The following FBP1 variants were observed in gnomAD, a reference collection of about 807,000 sequenced individuals.
FBP1 encodes fructose-bisphosphatase 1, also known as fructose-1,6-bisphosphatase 1.
In FBP1, 22 loss-of-function variants were observed where a neutral mutation model predicts 29.9. That is an observed-to-expected ratio of 0.74 (90% CI 0.53 to 1.05). FBP1 has a LOEUF of 1.05. Ranked by LOEUF, FBP1 falls within the 50% of genes least tolerant of loss-of-function variation. The pLI, the probability that FBP1 is intolerant of heterozygous loss-of-function variation, is 0.00. For missense variants in FBP1, 345 were observed against 448.2 expected, an observed-to-expected ratio of 0.77 and a Z score of 2.08; for synonymous variants, 175 against 178.6, an observed-to-expected ratio of 0.98 and a Z score of 0.16.
chr9:94,604,266 T>C (rs1389676045), intron 6 of FBP1, among the ~76,000 whole-genome samples: 1 of 152,084 alleles, frequency 6.6e-6, no homozygotes, highest in African/African-American at 2.4e-5. Flanking sequence ...AGCCTCAATA[T>C]TTGTGTTCAG....
intron 3 of FBP1, among the ~76,000 whole-genome samples, chr9:94,617,120 C>T (rs922488034): frequency 2.0e-5 from 3 of 152,138 alleles, no homozygotes; most frequent in African/African-American, 7.2e-5. Context: ...TTTTATGGGC[C>T]ATACAGTCTC....
At chr9:94,637,306 G>A (rs1168150446) in intron 1 of FBP1, among the ~76,000 whole-genome samples, 1 of 152,108 alleles carries the variant, frequency 6.6e-6, no homozygotes, top group African/African-American at 2.4e-5. Context: ...TGCAGGATGC[G>A]GGGCGGAGAA....
intron 1 of FBP1, among the ~76,000 whole-genome samples, chr9:94,625,808 C>T (rs936943409): frequency 1.3e-5 from 2 of 151,720 alleles, no homozygotes; most frequent in Admixed American, 6.6e-5. Flanking sequence ...GAAAGAATGA[C>T]GGAGCTGCCC....
chr9:94,610,840 G>A (rs1827772758), intron 3 of FBP1, among the ~76,000 whole-genome samples: 2 of 151,208 alleles, frequency 1.3e-5, no homozygotes, highest in African/African-American at 4.9e-5. Flanking sequence ...CCTAACCACT[G>A]ATTTCTTACT....
Position 94,603,240 on chromosome 9 carries a change from T to A in FBP1, c.*141A>T. 1.3e-6 allele frequency: 1 copy of A among 756,646 alleles called. No individual in the cohort carries two copies. The highest frequency in any genetic ancestry group is 2.3e-6 in the Non-Finnish European group (1 of 427,302). The allele number at this position is 756,646 out of a possible 1,614,324, so 46.9% of individuals were successfully genotyped here. The stretch of plus-strand genomic sequence containing the variant: ...TTTGGTTAGGGAGTGCCAAGCATTC[T>A]ACAGCATTTGATGGTGGAAATAGTC... On this transcript the variant is annotated 3_prime_UTR_variant, in exon 7 of 7. Transcript: ENST00000375326.
chr9:94,603,504 A>C lies in FBP1; in HGVS notation c.894T>G (p.Thr298=). The part of the protein sequence containing the change: ...VMEKAGGMAT[T]GKEAVLDVIP... ...TGACGTCTAACACGGCCTCCTTCCC[A>C]GTGGTGGCCATTCCCCCAGCCTTCT... The change falls in exon 7 of 7, where the codon ACT becomes ACG. Residue 298 remains threonine, a synonymous_variant. Transcript: ENST00000375326. 3.7e-6 allele frequency: 6 copies of C among 1,614,000 alleles called. No individual in the cohort carries two copies. Among genetic ancestry groups the C allele is most frequent in the Non-Finnish European group, 5.1e-6 (6 of 1,179,890 alleles).
At chr9:94,620,954 C>G (rs1827938214) in intron 1 of FBP1, among the ~76,000 whole-genome samples, 1 of 152,184 alleles carries the variant, frequency 6.6e-6, no homozygotes, top group African/African-American at 2.4e-5. Context: ...TGGCTCACGC[C>G]TGTAATCCCA....
intron 6 of FBP1, chr9:94,603,911 G>A (rs1827652229): frequency 2.7e-6 from 1 of 365,898 alleles, no homozygotes; most frequent in Non-Finnish European, 5.3e-6. Flanking sequence ...TGGACTTAAT[G>A]AGTGATTCTG....
chr9:94,603,552 G>A lies in FBP1; in HGVS notation c.846C>T (p.Cys282=), dbSNP rs1211553665. Residue 282 remains cysteine, a synonymous_variant, in exon 7 of 7, where the codon TGC becomes TGT. Transcript: ENST00000375326. ...TCTCCATGACGTAGGCCATGGGGTT[G>A]CATTCGTACAGCAGTCTCAGCTGGA... ...PNGKLRLLYE[C]NPMAYVMEKA... 2 of 1,614,054 alleles carry A rather than the reference G, an allele frequency of 1.2e-6. No individual in the cohort carries two copies. Among genetic ancestry groups the A allele is most frequent in the Admixed American group, 1.7e-5 (1 of 60,008 alleles).
At chr9:94,614,634 G>C (rs1018268449) in intron 3 of FBP1, among the ~76,000 whole-genome samples, 2 of 152,290 alleles carry the variant, frequency 1.3e-5, no homozygotes, top group South Asian at 4.1e-4. Context: ...TGCCTTTCCA[G>C]GAATCGTGTA....
rs1411542353 is a variant in FBP1 at position 94,633,629 on chromosome 9, CT to C, written c.170+5511del. ...TGCGGTCCAGCCGCCGGGCCTTTTG[CT>C]TCCCCTGCACGTGCCCATTCTTGGC... On this transcript the variant is annotated intron_variant, in intron 1 of 6. Transcript: ENST00000375326. Among the ~76,000 whole-genome samples, 3 of 152,306 alleles carry C rather than the reference CT, an allele frequency of 2.0e-5. No homozygotes were observed. The East Asian group carries it at 5.8e-4, about 30-fold the overall frequency.
chr9:94,639,487 T>C lies in FBP1; in HGVS notation c.-177A>G. ...CTGACAGACCGACTGCCGCCCCGAG[T>C]GTCCGCAGCGCTCGTGGTGCAACTG... On this transcript the variant is annotated 5_prime_UTR_variant, in exon 1 of 7. Coordinates refer to ENST00000375326, the MANE Select transcript of FBP1 (RefSeq NM_000507.4). The C allele has an allele frequency of 1.4e-6, 1 of 714,544 alleles. No individual in the cohort carries two copies. The highest frequency in any genetic ancestry group is 1.7e-5 in the South Asian group (1 of 59,336). The allele number at this position is 714,544 out of a possible 1,614,324, so 44.3% of individuals were successfully genotyped here.
chr9:94,608,939 G>A (rs1032621817), intron 4 of FBP1, among the ~76,000 whole-genome samples: 5 of 152,170 alleles, frequency 3.3e-5, no homozygotes, highest in African/African-American at 1.2e-4. Context: ...GGTGGCTCAT[G>A]CCTGTAATCC....
chr9:94,639,504 G>A lies in FBP1; in HGVS notation c.-194C>T, dbSNP rs2296707. On this transcript the variant is annotated 5_prime_UTR_variant, in exon 1 of 7. Transcript: ENST00000375326. ...GCCCCGAGTGTCCGCAGCGCTCGTGGTGCAACTGGGCCAGGCCAGGCGCCG... is the reference window on the plus strand; with the variant it reads ...GCCCCGAGTGTCCGCAGCGCTCGTGATGCAACTGGGCCAGGCCAGGCGCCG... 0.11 allele frequency: 70,873 copies of A among 673,300 alleles called. 4,688 individuals are homozygous for A. Among genetic ancestry groups the A allele is most frequent in the Admixed American group, 0.22 (9,275 of 42,694 alleles). 41.7% of individuals were successfully genotyped at this position (673,300 alleles called of 1,614,324 possible).
At chr9:94,617,236 T>G (rs780747876) in intron 3 of FBP1, among the ~76,000 whole-genome samples, 19 of 152,298 alleles carry the variant, frequency 1.2e-4, no homozygotes, top group Non-Finnish European at 2.5e-4. Context: ...TCGTGAAGAG[T>G]AAAACTTAAA....
intron 1 of FBP1, among the ~76,000 whole-genome samples, chr9:94,633,159 T>C (rs1828127869): frequency 6.6e-6 from 1 of 152,196 alleles, no homozygotes. Flanking sequence ...TGCATTCAAT[T>C]GCTAGGACCA....
rs745724824 is a variant in FBP1, at chr9:94,620,338, C to T, written c.324G>A (p.Pro108=). ...GGAAGTACAGACCCACCCTTTTCTC[C>T]GGTTCCACTATGATGGCGTGTTTAT... is the stretch of plus-strand genomic sequence containing the variant. ...EEDKHAIIVE[P]EKRGKYVVCF... The change falls in exon 2 of 7, where the codon CCG becomes CCA. Residue 108 remains proline (P), a synonymous_variant. Coordinates refer to ENST00000375326, the MANE Select transcript of FBP1 (RefSeq NM_000507.4). The T allele has an allele frequency of 2.8e-5, 45 of 1,614,066 alleles. No homozygotes were observed. The highest frequency in any genetic ancestry group is 3.4e-5 in the Non-Finnish European group (40 of 1,180,040).
In FBP1 at chr9:94,603,229, G is replaced by A. The variant is rs190431674; in HGVS notation, c.*152C>T. 3.2e-5 allele frequency: 23 copies of A among 716,188 alleles called. No individual in the cohort carries two copies. In the African/African-American group the frequency reaches 3.8e-4, roughly 12 times the overall value. The allele number at this position is 716,188 out of a possible 1,614,324, so 44.4% of individuals were successfully genotyped here. A position where few individuals can be genotyped will look rare whatever the true frequency, so the allele number is the denominator to read the frequency against. ...TGGAGACAGCATTTGGTTAGGGAGTGCCAAGCATTCTACAGCATTTGATGG... is the reference window on the plus strand; with the variant it reads ...TGGAGACAGCATTTGGTTAGGGAGTACCAAGCATTCTACAGCATTTGATGG... On this transcript the variant is annotated 3_prime_UTR_variant, in exon 7 of 7. Coordinates refer to ENST00000375326, the MANE Select transcript of FBP1 (RefSeq NM_000507.4).
At chr9:94,620,627 G>T in intron 1 of FBP1, 136 bp from the exon 2 acceptor site, 1 of 839,360 alleles carries the variant, frequency 1.2e-6, no homozygotes, top group Admixed American at 2.0e-5. Flanking sequence ...CATGGATGAA[G>T]CTGGAATCCA....
Sources: allele counts gnomAD v4.1 joint callset (sites outside exome capture counted in the v4.1 genomes callset), GRCh38; gene constraint gnomAD v4.1.1; transcripts MANE v1.5; gene names NCBI Gene and HGNC (gene_info 2026-07-23, HGNC 2026-07-21).